The following ZBTB8A variants were observed in gnomAD, a reference collection of about 807,000 sequenced individuals.
ZBTB8A encodes zinc finger and BTB domain-containing protein 8A.
ZBTB8A carries 19 observed loss-of-function variants against 37.8 expected under a neutral mutation model. The ratio of observed to expected loss-of-function variants is 0.50; its 90% CI spans 0.35 to 0.74. The LOEUF is 0.74. Among genes scored for constraint, ZBTB8A ranks in the 30% least tolerant of loss-of-function variants. The probability of loss-of-function intolerance (pLI) is 0.01; values close to 1 mark genes in which losing one functional copy is unlikely to be tolerated. For missense variants in ZBTB8A, 394 were observed against 537.8 expected (o/e 0.73, Z 2.65); for synonymous variants, 181 against 185.2 (o/e 0.98, Z 0.19).
intron 1 of ZBTB8A, among the ~76,000 whole-genome samples, chr1:32,548,137 TAAAAAAAA>T (rs770998213): frequency 4.6e-4 from 30 of 65,758 alleles, no homozygotes; most frequent in Non-Finnish European, 6.7e-4. Flanking sequence ...CGTCTCAAAT[TAAAAAAAA>T]AAAAAAAAAA....
intron 1 of ZBTB8A, among the ~76,000 whole-genome samples, chr1:32,540,072 G>A (rs1570298243): frequency 1.3e-5 from 2 of 152,014 alleles, no homozygotes; most frequent in South Asian, 4.2e-4. Flanking sequence ...TCTCGGTGCA[G>A]CCTCCATCCT....
At chr1:32,563,928 C>T (rs1032251678) in intron 2 of ZBTB8A, among the ~76,000 whole-genome samples, 1 of 152,096 alleles carries the variant, frequency 6.6e-6, no homozygotes, top group South Asian at 2.1e-4. Context: ...ATGGGGAGTA[C>T]ATCTTGCTTC....
intron 2 of ZBTB8A, among the ~76,000 whole-genome samples, chr1:32,567,529 T>G (rs573368225): frequency 6.6e-6 from 1 of 152,218 alleles, no homozygotes; most frequent in South Asian, 2.1e-4. Context: ...GCATGGTGGC[T>G]CACACCTGTA....
intron 2 of ZBTB8A, among the ~76,000 whole-genome samples, chr1:32,554,306 A>G (rs937462735): frequency 4.7e-5 from 7 of 149,544 alleles, no homozygotes; most frequent in African/African-American, 1.7e-4. Flanking sequence ...CAGCGTTCTG[A>G]TTTTTTTGGT....
chr1:32,594,501 G>A (rs984144091), intron 3 of ZBTB8A, among the ~76,000 whole-genome samples: 6 of 151,740 alleles, frequency 4.0e-5, no homozygotes, highest in African/African-American at 1.5e-4. Context: ...AGTGGCTCAC[G>A]CCTGTAATCC....
At chr1:32,553,008 G>A (rs1644169801) in intron 1 of ZBTB8A, among the ~76,000 whole-genome samples, 1 of 149,656 alleles carries the variant, frequency 6.7e-6, no homozygotes, top group Non-Finnish European at 1.5e-5. Flanking sequence ...AATAATTTGT[G>A]CCAGATCATC....
At chr1:32,591,834 GTTT>G (rs557472276) in intron 2 of ZBTB8A, among the ~76,000 whole-genome samples, 11 of 151,862 alleles carry the variant, frequency 7.2e-5, no homozygotes, top group Non-Finnish European at 1.3e-4. Context: ...TTGTTTTTTT[GTTT>G]TTTGTTTGTT....
At chr1:32,553,887 A>C (rs1644177553) in intron 2 of ZBTB8A, among the ~76,000 whole-genome samples, 1 of 53,898 alleles carries the variant, frequency 1.9e-5, no homozygotes, top group Non-Finnish European at 4.1e-5. Flanking sequence ...ACTCTGTCTC[A>C]AAAAAAAAAA....
At chr1:32,565,058 A>T (rs1644268572) in intron 2 of ZBTB8A, among the ~76,000 whole-genome samples, 1 of 152,202 alleles carries the variant, frequency 6.6e-6, no homozygotes, top group African/African-American at 2.4e-5. Context: ...GGCTGGGTGC[A>T]GTGGCTCATG....
At chr1:32,580,729 T>C (rs1348885034) in intron 2 of ZBTB8A, among the ~76,000 whole-genome samples, 2 of 152,102 alleles carry the variant, frequency 1.3e-5, no homozygotes, top group East Asian at 3.9e-4. Flanking sequence ...TCTTAGTCCG[T>C]TTCTGTTGCT....
At chr1:32,576,721 G>T (rs1479407854) in intron 2 of ZBTB8A, among the ~76,000 whole-genome samples, 1 of 151,828 alleles carries the variant, frequency 6.6e-6, no homozygotes, top group African/African-American at 2.4e-5. Flanking sequence ...GAGCCACCAC[G>T]CCCAGCCTAA....
chr1:32,593,213 T>C lies in ZBTB8A; in HGVS notation c.282T>C (p.Asn94=), dbSNP rs530146692. 108 of 1,614,232 alleles carry C rather than the reference T, an allele frequency of 6.7e-5. No individual in the cohort carries two copies. The South Asian group carries it at 1.1e-3, about 16-fold the overall frequency. Residue 94 remains asparagine, a synonymous_variant, in exon 3 of 5, where the codon AAT becomes AAC. Transcript: ENST00000373510. ...GCAAACTGTCTCTTACTGGTCAGAA[T>C]GTCATAGAAGTGATGTCGGCTGCTA... The part of the protein sequence containing the change: ...YSGKLSLTGQ[N]VIEVMSAASF...
intron 2 of ZBTB8A, among the ~76,000 whole-genome samples, chr1:32,584,378 A>T (rs1381238026): frequency 6.6e-6 from 1 of 151,458 alleles, no homozygotes; most frequent in African/African-American, 2.5e-5. Flanking sequence ...AAACGTATAA[A>T]TGCAGAATAA....
In ZBTB8A at chr1:32,587,814, A is replaced by T. The variant is rs541863689; in HGVS notation, c.-1-5117A>T. Among the ~76,000 whole-genome samples, 17 of 152,134 alleles carry T rather than the reference A, an allele frequency of 1.1e-4. No individual in the cohort carries two copies. In the East Asian group the frequency reaches 3.3e-3, roughly 29 times the overall value. On this transcript the variant is annotated intron_variant, in intron 2 of 4. Coordinates refer to ENST00000373510, the MANE Select transcript of ZBTB8A (RefSeq NM_001040441.3). ...TCAGGTTTGGGGCTGGTCACCAGAA[A>T]GATCAAGCAGGAGTAGAGAGGTAGG...
rs537034033 is a variant in ZBTB8A, at chr1:32,591,278, A to G, written c.-1-1653A>G. Among the ~76,000 whole-genome samples, 54 of 151,638 alleles carry G rather than the reference A, an allele frequency of 3.6e-4. No homozygotes were observed. In the East Asian group the frequency reaches 9.5e-3, roughly 27 times the overall value. ...CTGGAGTACAGTGAGTGGCATGATC[A>G]TGGCTCACTGCAGCCTTCACCCCCT... On this transcript the variant is annotated intron_variant, in intron 2 of 4. Transcript: ENST00000373510.
At chr1:32,588,262 A>T (rs940010986) in intron 2 of ZBTB8A, among the ~76,000 whole-genome samples, 1 of 152,038 alleles carries the variant, frequency 6.6e-6, no homozygotes, top group Non-Finnish European at 1.5e-5. Context: ...AAGTTGGGGG[A>T]TGCCTTATGG....
intron 1 of ZBTB8A, among the ~76,000 whole-genome samples, chr1:32,546,850 T>C (rs921693429): frequency 1.3e-4 from 20 of 152,290 alleles, no homozygotes; most frequent in African/African-American, 4.8e-4. Context: ...CCTGGCGCTG[T>C]TGGACTAGGT....
intron 2 of ZBTB8A, among the ~76,000 whole-genome samples, chr1:32,563,318 G>A (rs555861872): frequency 5.3e-5 from 8 of 152,250 alleles, no homozygotes; most frequent in African/African-American, 1.9e-4. Context: ...GATCCCGTGG[G>A]CCCAGGAGTT....
chr1:32,566,206 A>ATAATAAT, intron 2 of ZBTB8A, among the ~76,000 whole-genome samples: 1 of 150,776 alleles, frequency 6.6e-6, no homozygotes, highest in South Asian at 2.1e-4. Context: ...CATCTCAAAA[A>ATAATAAT]AAAAAAAAAA....
Sources: allele counts gnomAD v4.1 joint callset (sites outside exome capture counted in the v4.1 genomes callset), GRCh38; gene constraint gnomAD v4.1.1; transcripts MANE v1.5; gene names NCBI Gene and HGNC (gene_info 2026-07-23, HGNC 2026-07-21).